NRL: variants seen among roughly 807,000 people sequenced by gnomAD.
NRL encodes the protein neural retina leucine zipper.
In NRL, 16 loss-of-function variants were observed where a neutral mutation model predicts 12.5. The observed-to-expected ratio is 1.28, with a 90% confidence interval of 0.87 to 1.95. The LOEUF (loss-of-function observed/expected upper bound fraction) is 1.95. NRL is among the 30% of genes most tolerant of loss of function. The probability of loss-of-function intolerance (pLI) is 0.00; values close to 1 mark genes in which losing one functional copy is unlikely to be tolerated. For missense variants in NRL, 314 were observed against 325.8 expected (o/e 0.96, Z 0.28); for synonymous variants, 142 against 150.9 (o/e 0.94, Z 0.43).
At chr14:24,109,520 C>A (rs890962471) in intron 1 of NRL, among the ~76,000 whole-genome samples, 2 of 151,918 alleles carry the variant, frequency 1.3e-5, no homozygotes, top group Admixed American at 1.3e-4. Context: ...ATGGTGAAAC[C>A]CCGTCTCTAC....
intron 1 of NRL, among the ~76,000 whole-genome samples, chr14:24,102,072 A>G (rs1046302775): frequency 2.7e-5 from 4 of 150,768 alleles, no homozygotes; most frequent in East Asian, 3.9e-4. Flanking sequence ...TTAAAAATAC[A>G]AAAAAATCAG....
intron 1 of NRL, among the ~76,000 whole-genome samples, chr14:24,086,221 AAAG>A (rs1054539798): frequency 1.3e-5 from 2 of 152,208 alleles, no homozygotes; most frequent in Non-Finnish European, 2.9e-5. Context: ...CTCAAAAAAA[AAAG>A]AAGAGAAAAG....
chr14:24,094,380 C>T lies in NRL; in HGVS notation c.-27-11505G>A. The T allele has an allele frequency of 1.3e-6, 2 of 1,546,330 alleles. No homozygotes were observed. Among genetic ancestry groups the T allele is most frequent in the Non-Finnish European group, 8.7e-7 (1 of 1,149,252 alleles). On this transcript the variant is annotated intron_variant, in intron 1 of 2. Transcript: ENST00000561028. The surrounding 1 kb of genome is among the most constrained non-coding windows in gnomAD (Gnocchi z 4.1). ...TCCCCGGCTCCGCTCGGTTCCTGGCCACCCCGCAGCCCCTGCCCAGGTGCC... is the reference window on the plus strand; with the variant it reads ...TCCCCGGCTCCGCTCGGTTCCTGGCTACCCCGCAGCCCCTGCCCAGGTGCC...
intron 1 of NRL, among the ~76,000 whole-genome samples, chr14:24,113,869 C>T (rs1315711439): frequency 1.3e-5 from 2 of 152,202 alleles, no homozygotes. Flanking sequence ...CGCAGCTTTC[C>T]CAAGGAAGTG....
At chr14:24,112,695 G>A (rs1459810313) in intron 1 of NRL, among the ~76,000 whole-genome samples, 1 of 24,908 alleles carries the variant, frequency 4.0e-5, no homozygotes, top group Non-Finnish European at 7.5e-5. Flanking sequence ...TCTCACACCA[G>A]TTAGAATGGC....
Position 24,100,267 on chromosome 14 carries a change from G to A in NRL, c.-28+14455C>T, listed in dbSNP as rs199562600. ...GCCTCCAGGCCTCAGCACCTTAATG[G>A]TGGAAAAGCTTTCTCCACAACCTCC... On this transcript the variant is annotated intron_variant, in intron 1 of 2. Coordinates refer to ENST00000561028, the MANE Select transcript of NRL (RefSeq NM_001354768.3). 9.9e-4 allele frequency: 1,571 copies of A among 1,594,648 alleles called. 21 individuals are homozygous for A. The highest frequency in any genetic ancestry group is 2.7e-3 in the Middle Eastern group (16 of 5,954).
intron 1 of NRL, among the ~76,000 whole-genome samples, chr14:24,106,285 T>C (rs536087066): frequency 1.3e-5 from 2 of 152,132 alleles, no homozygotes; most frequent in Admixed American, 6.5e-5. Flanking sequence ...ACAAATAAAA[T>C]GGAATTATTG....
intron 1 of NRL, among the ~76,000 whole-genome samples, chr14:24,088,319 G>A (rs1260295201): frequency 6.6e-6 from 1 of 152,260 alleles, no homozygotes. Flanking sequence ...CACATTCTGA[G>A]GTCAAAGGGT....
intron 1 of NRL, among the ~76,000 whole-genome samples, chr14:24,087,012 A>G (rs2036482139): frequency 6.6e-6 from 1 of 152,178 alleles, no homozygotes; most frequent in South Asian, 2.1e-4. Context: ...ACTGAGACTA[A>G]TGGGCTCAAG....
At chr14:24,103,986 G>A (rs1342769136) in intron 1 of NRL, 1 of 1,573,934 alleles carries the variant, frequency 6.4e-7, no homozygotes, top group Non-Finnish European at 8.7e-7. Context: ...AGTCTAGCAA[G>A]AGGACATAGC....
chr14:24,103,007 C>A, intron 1 of NRL: 1 of 1,307,674 alleles, frequency 7.6e-7, no homozygotes, highest in Non-Finnish European at 1.1e-6. Context: ...CAGAGTTCTC[C>A]CCTGGTGAAT....
rs576841649 is a variant in NRL at position 24,081,525 on chromosome 14, A to G, written c.425T>C (p.Val142Ala). The G allele has an allele frequency of 8.7e-6, 14 of 1,604,578 alleles. No individual in the cohort carries two copies. In the South Asian group the frequency reaches 1.5e-4, roughly 17 times the overall value. The change falls in exon 3 of 3, where the codon GTG (valine) becomes GCG (alanine). Residue 142 changes from valine to alanine, a missense_variant. By Grantham distance (64) the Val-to-Ala change is moderately conservative (BLOSUM62 0). Coordinates refer to ENST00000561028, the MANE Select transcript of NRL (RefSeq NM_001354768.3). This position sits in a 1 kb window ranked among gnomAD's most constrained non-coding sequence, Gnocchi z 4.4. Reference protein sequence around the residue: ...FSDAALVSMSVRELNRQLRGC... With the variant: ...FSDAALVSMSARELNRQLRGC... ...CCGCAGCTGCCGGTTTAGCTCCCGC[A>G]CAGACATCGAGACCAGCGCCGCGTC...
rs765307535 is a variant in NRL at position 24,099,252 on chromosome 14, G to T, written c.-28+15470C>A. The T allele has an allele frequency of 7.0e-6, 11 of 1,582,032 alleles. 1 individual carries two copies. The South Asian group carries it at 1.2e-4, about 17-fold the overall frequency. ...GCACATGCTGGTGAGGGCCTGGTGA[G>T]AAGCAGGGCAGCTGCCGGGGACAGG... On this transcript the variant is annotated intron_variant, in intron 1 of 2. Coordinates refer to ENST00000561028, the MANE Select transcript of NRL (RefSeq NM_001354768.3).
intron 1 of NRL, among the ~76,000 whole-genome samples, chr14:24,106,841 A>G (rs1248092944): frequency 1.3e-5 from 2 of 152,240 alleles, no homozygotes; most frequent in East Asian, 3.8e-4. Context: ...AACATAGCAC[A>G]GGTATTAAAC....
Position 24,102,743 on chromosome 14 carries a change from C to T in NRL, c.-28+11979G>A, listed in dbSNP as rs371724693. The T allele has an allele frequency of 4.8e-5, 78 of 1,611,060 alleles. No homozygotes were observed. The African/African-American group carries it at 9.6e-4, about 20-fold the overall frequency. ...CTTGGAAATAATAGTGTTTGTATTT[C>T]CTCTGCCAGGTGACAAGGAGCCCTG... On this transcript the variant is annotated intron_variant, in intron 1 of 2. Transcript: ENST00000561028.
intron 1 of NRL, among the ~76,000 whole-genome samples, chr14:24,084,034 G>A (rs1055273408): frequency 3.3e-5 from 5 of 152,122 alleles, no homozygotes; most frequent in South Asian, 2.1e-4. Flanking sequence ...GAAGGTGCGC[G>A]GCATGGAGTG....
At position 24,081,797 on chromosome 14, in the gene NRL, G is replaced by A; in HGVS notation, c.382-229C>T. On this transcript the variant is annotated intron_variant, in intron 2 of 2. Transcript: ENST00000561028. The surrounding 1 kb of genome is among the most constrained non-coding windows in gnomAD (Gnocchi z 4.4). The stretch of plus-strand genomic sequence containing the variant: ...GCTCCAGTCAGGCGGGCGCCCCACG[G>A]TGCAGGGCCGGCCACGGTCAGGCGA... 1 of 1,493,510 alleles carries A rather than the reference G, an allele frequency of 6.7e-7. No individual in the cohort carries two copies. Among genetic ancestry groups the A allele is most frequent in the Non-Finnish European group, 8.9e-7 (1 of 1,126,732 alleles). 92.5% of individuals were successfully genotyped at this position (1,493,510 alleles called of 1,614,324 possible). A position where few individuals can be genotyped will look rare whatever the true frequency, so the allele number is the denominator to read the frequency against.
Position 24,082,893 on chromosome 14 carries a change from G to A in NRL, c.-27-18C>T. 1.3e-6 allele frequency: 2 copies of A among 1,577,908 alleles called. No homozygotes were observed. Among genetic ancestry groups the A allele is most frequent in the Non-Finnish European group, 1.7e-6 (2 of 1,161,034 alleles). On this transcript the variant is annotated intron_variant, in intron 1 of 2. Transcript: ENST00000561028. ...GAGTGCACCTGCAAAGAGGAGGAGA[G>A]GTCTGGAGCACATGGAGGCCACCTG...
intron 1 of NRL, chr14:24,098,081 A>C: frequency 1.3e-6 from 1 of 765,264 alleles, no homozygotes; most frequent in Non-Finnish European, 2.1e-6. Flanking sequence ...CTGAGATGTG[A>C]TTGGGTGGGG....
Sources: gnomAD v4.1 joint callset for allele counts (sites outside exome capture counted in the v4.1 genomes callset) on GRCh38, gnomAD v4.1.1 for gene constraint, Gnocchi (gnomAD v3.1) non-coding constraint, MANE v1.5 for transcripts, NCBI Gene and HGNC (gene_info 2026-07-23, HGNC 2026-07-21) for gene names.